Variants in TAOK3 observed in about 807,000 individuals in gnomAD.
TAOK3 encodes TAO kinase 3.
TAOK3 carries 40 observed loss-of-function variants against 120.4 expected under a neutral mutation model. The ratio of observed to expected loss-of-function variants is 0.33; its 90% CI spans 0.26 to 0.43. The LOEUF (loss-of-function observed/expected upper bound fraction) is 0.43, where lower values mean the gene tolerates loss of function less well. Among genes scored for constraint, TAOK3 ranks in the 20% least tolerant of loss-of-function variants. The probability of loss-of-function intolerance (pLI) is 1.00; values close to 1 mark genes in which losing one functional copy is unlikely to be tolerated. For missense variants in TAOK3, 821 were observed against 1,112.1 expected (o/e 0.74, Z 3.72); for synonymous variants, 355 against 387.5 (o/e 0.92, Z 0.99).
At chr12:118,240,323 G>A (rs2040194937) in intron 5 of TAOK3, among the ~76,000 whole-genome samples, 1 of 151,816 alleles carries the variant, frequency 6.6e-6, no homozygotes. Flanking sequence ...GGGATTACAG[G>A]CATGCGCCAC....
intron 3 of TAOK3, among the ~76,000 whole-genome samples, chr12:118,254,070 GAACA>G (rs1363152630): frequency 3.3e-5 from 5 of 152,092 alleles, no homozygotes; most frequent in African/African-American, 1.2e-4. Flanking sequence ...ACAAACAAAA[GAACA>G]AACAAACTGT....
rs1227766850 is a variant in TAOK3 at position 118,160,791 on chromosome 12, T to G, written c.2140-433A>C. On this transcript the variant is annotated intron_variant, in intron 18 of 20. Coordinates refer to ENST00000392533, the MANE Select transcript of TAOK3 (RefSeq NM_016281.4). The surrounding 1 kb of genome is among the most constrained non-coding windows in gnomAD (Gnocchi z 4.2). Reference sequence around the variant, plus strand: ...CCCTGTTTTCAAGTGAGACAGGGGATAGCATTATATAAGCCAGCTCTCACT... The same window carrying G: ...CCCTGTTTTCAAGTGAGACAGGGGAGAGCATTATATAAGCCAGCTCTCACT... Among the ~76,000 whole-genome samples, 2 of 152,168 alleles carry G rather than the reference T, an allele frequency of 1.3e-5. No individual in the cohort carries two copies. Among genetic ancestry groups the G allele is most frequent in the Non-Finnish European group, 2.9e-5 (2 of 68,032 alleles).
chr12:118,241,156 C>A (rs2040233521), intron 5 of TAOK3, among the ~76,000 whole-genome samples: 2 of 150,818 alleles, frequency 1.3e-5, no homozygotes, highest in Non-Finnish European at 3.0e-5. Context: ...CCTTGCATTT[C>A]TGGAATAATT....
chr12:118,351,621 T>C (rs975213262), intron 1 of TAOK3, among the ~76,000 whole-genome samples: 1 of 152,286 alleles, frequency 6.6e-6, no homozygotes, highest in East Asian at 1.9e-4. Flanking sequence ...TATATATTAT[T>C]TAAAAAGATA....
chr12:118,188,923 A>AGTGTGTGT (rs35868707), intron 14 of TAOK3, among the ~76,000 whole-genome samples: 65 of 150,996 alleles, frequency 4.3e-4, no homozygotes, highest in African/African-American at 1.4e-3. Flanking sequence ...AAACGATGTG[A>AGTGTGTGT]GTGTGTGTGT....
At chr12:118,223,641 C>T (rs546114572) in intron 9 of TAOK3, among the ~76,000 whole-genome samples, 301 of 129,846 alleles carry the variant, frequency 2.3e-3, no homozygotes, top group African/African-American at 8.5e-3. Flanking sequence ...CCACCGCACC[C>T]GGCATTTTTT....
intron 13 of TAOK3, among the ~76,000 whole-genome samples, chr12:118,190,800 T>A (rs1451180459): frequency 6.6e-6 from 1 of 152,200 alleles, no homozygotes; most frequent in Non-Finnish European, 1.5e-5. Flanking sequence ...GTTTCTTAAA[T>A]GCAACTGAAA....
chr12:118,340,570 A>G (rs1360703138), intron 1 of TAOK3, among the ~76,000 whole-genome samples: 1 of 152,202 alleles, frequency 6.6e-6, no homozygotes, highest in Non-Finnish European at 1.5e-5. Flanking sequence ...TGGTTATTAA[A>G]TATTATTTTT....
intron 1 of TAOK3, among the ~76,000 whole-genome samples, chr12:118,312,487 C>A (rs2043299895): frequency 6.6e-6 from 1 of 152,102 alleles, no homozygotes; most frequent in South Asian, 2.1e-4. Flanking sequence ...TAAGATTTTT[C>A]TTGGTCTGGG....
At chr12:118,321,283 C>T (rs2043694283) in intron 1 of TAOK3, among the ~76,000 whole-genome samples, 1 of 152,034 alleles carries the variant, frequency 6.6e-6, no homozygotes, top group Admixed American at 6.6e-5. Flanking sequence ...TTTTTTCAGA[C>T]AGGGTCTCAC....
intron 9 of TAOK3, among the ~76,000 whole-genome samples, chr12:118,221,051 C>A (rs1417013121): frequency 6.6e-6 from 1 of 152,210 alleles, no homozygotes; most frequent in African/African-American, 2.4e-5. Context: ...TTTATTGGAA[C>A]ACAGCCATGC....
At chr12:118,152,206 C>T (rs1176147245) in intron 20 of TAOK3, 21 bp downstream of exon 20, 4 of 1,602,794 alleles carry the variant, frequency 2.5e-6, no homozygotes, top group Non-Finnish European at 3.4e-6. Context: ...TGGCACCGGA[C>T]CCCTGGTAAT....
chr12:118,308,567 T>C (rs2043137046), intron 1 of TAOK3, among the ~76,000 whole-genome samples: 1 of 152,294 alleles, frequency 6.6e-6, no homozygotes, highest in African/African-American at 2.4e-5. Context: ...TTTCCCAGTA[T>C]ACCAGTACTT....
intron 1 of TAOK3, among the ~76,000 whole-genome samples, chr12:118,287,409 T>C (rs1043962569): frequency 6.6e-5 from 10 of 152,090 alleles, no homozygotes; most frequent in Admixed American, 4.6e-4. Context: ...CACACCACCA[T>C]GCCTGGCTAA....
At chr12:118,310,091 T>C (rs1263978432) in intron 1 of TAOK3, among the ~76,000 whole-genome samples, 1 of 152,060 alleles carries the variant, frequency 6.6e-6, no homozygotes, top group Admixed American at 6.6e-5. Context: ...AAGATCAGCC[T>C]GAATAACATG....
chr12:118,248,215 A>C (rs1268063753), intron 3 of TAOK3, among the ~76,000 whole-genome samples: 1 of 151,356 alleles, frequency 6.6e-6, no homozygotes, highest in Non-Finnish European at 1.5e-5. Flanking sequence ...AAAAAAAAAA[A>C]ACCCACAATA....
intron 1 of TAOK3, among the ~76,000 whole-genome samples, chr12:118,274,098 A>G (rs2041822607): frequency 6.6e-6 from 1 of 152,098 alleles, no homozygotes; most frequent in African/African-American, 2.4e-5. Context: ...ACTTCCCATA[A>G]GACTTGAAGA....
At chr12:118,157,918 C>T (rs1441572686) in intron 19 of TAOK3, among the ~76,000 whole-genome samples, 1 of 152,194 alleles carries the variant, frequency 6.6e-6, no homozygotes, top group Non-Finnish European at 1.5e-5. Flanking sequence ...GTTCTCTTTT[C>T]CTTCATTGAT....
intron 13 of TAOK3, chr12:118,198,757 A>G: frequency 2.6e-6 from 1 of 385,714 alleles, no homozygotes; most frequent in Non-Finnish European, 4.9e-6. Flanking sequence ...GAAGACTTGA[A>G]GGTCTACAGT....
Sources: allele counts gnomAD v4.1 joint callset (sites outside exome capture counted in the v4.1 genomes callset), GRCh38; gene constraint gnomAD v4.1.1; non-coding constraint Gnocchi (gnomAD v3.1); transcripts MANE v1.5; gene names NCBI Gene and HGNC (gene_info 2026-07-23, HGNC 2026-07-21).